The following RIPOR3 variants were observed in gnomAD, a reference collection of about 807,000 sequenced individuals.
RIPOR3 encodes RIPOR family member 3, also known as family with sequence similarity 65 member C.
A neutral mutation model predicts 114.3 loss-of-function variants in RIPOR3; 95 were observed. The ratio of observed to expected loss-of-function variants is 0.83; its 90% confidence interval spans 0.70 to 0.99. The LOEUF (loss-of-function observed/expected upper bound fraction) is 0.99. RIPOR3 is among the 50% of genes least tolerant of loss of function. The pLI is 0.00. For missense variants in RIPOR3, 1,252 were observed against 1,266.9 expected (o/e 0.99, Z 0.18); for synonymous variants, 575 against 543.8 (o/e 1.06, Z -0.80).
intron 1 of RIPOR3, among the ~76,000 whole-genome samples, chr20:50,635,135 AC>A (rs2084941320): frequency 6.6e-6 from 1 of 152,196 alleles, no homozygotes; most frequent in Non-Finnish European, 1.5e-5. Flanking sequence ...TTAGAGCAAA[AC>A]CAGCTGCAGA....
At chr20:50,588,006 C>T in intron 20 of RIPOR3, 114 bp from the exon 21 acceptor site, 1 of 939,370 alleles carries the variant, frequency 1.1e-6, no homozygotes, top group East Asian at 2.6e-5. Flanking sequence ...GCCTCAGCCC[C>T]TTCCTTTTCT....
intron 1 of RIPOR3, 100 bp from the exon 2 acceptor site, chr20:50,630,956 GC>G (rs901523366): frequency 1.1e-6 from 1 of 906,192 alleles, no homozygotes; most frequent in Non-Finnish European, 1.7e-6. Flanking sequence ...CCTCACAATG[GC>G]CCCAGAGTGT....
At chr20:50,669,337 T>C (rs1483526434) in intron 1 of RIPOR3, among the ~76,000 whole-genome samples, 1 of 152,206 alleles carries the variant, frequency 6.6e-6, no homozygotes, top group African/African-American at 2.4e-5. Context: ...TTTACCACGA[T>C]TGTGACTAAT....
intron 3 of RIPOR3, among the ~76,000 whole-genome samples, chr20:50,617,813 G>A (rs181581040): frequency 6.6e-6 from 1 of 151,514 alleles, no homozygotes; most frequent in Middle Eastern, 3.2e-3. Flanking sequence ...TAGTAGAGAC[G>A]GGGTTTCACC....
At chr20:50,685,215 G>T (rs2086972486) in intron 1 of RIPOR3, among the ~76,000 whole-genome samples, 2 of 139,344 alleles carry the variant, frequency 1.4e-5, no homozygotes, top group East Asian at 4.6e-4. Flanking sequence ...GCTGATGATG[G>T]GATAGAATTT....
rs546120876 is a variant in RIPOR3 at position 50,587,079 on chromosome 20, G to A, written c.*153C>T. On this transcript the variant is annotated 3_prime_UTR_variant, in exon 22 of 22. Transcript: ENST00000327979. ...TACAAAAGACCAGCCCATGCCCTGG[G>A]GCTGGGTCAATGGCCGGAGTCTCAG... is the stretch of plus-strand genomic sequence containing the variant. 38 of 637,136 alleles carry A rather than the reference G, an allele frequency of 6.0e-5. No homozygotes were observed. The East Asian group carries it at 1.0e-3, about 17-fold the overall frequency. The allele number at this position is 637,136 out of a possible 1,614,324, so 39.5% of individuals were successfully genotyped here. A position where few individuals can be genotyped will look rare whatever the true frequency, so the allele number is the denominator to read the frequency against.
At chr20:50,606,241 C>A (rs978178195) in intron 11 of RIPOR3, among the ~76,000 whole-genome samples, 1 of 152,160 alleles carries the variant, frequency 6.6e-6, no homozygotes, top group Non-Finnish European at 1.5e-5. Flanking sequence ...AGACTCTGAC[C>A]GCCCTGAGGG....
intron 1 of RIPOR3, among the ~76,000 whole-genome samples, chr20:50,644,964 C>A (rs963181025): frequency 6.6e-6 from 1 of 151,788 alleles, no homozygotes; most frequent in South Asian, 2.1e-4. Flanking sequence ...CTCAGCCTCC[C>A]GAGTAGCTGA....
chr20:50,680,853 C>T (rs1339622313), intron 1 of RIPOR3, among the ~76,000 whole-genome samples: 3 of 152,204 alleles, frequency 2.0e-5, no homozygotes, highest in African/African-American at 7.2e-5. Context: ...GATACCCCCT[C>T]AACTCCAGAG....
chr20:50,633,044 G>T (rs1231704308), intron 1 of RIPOR3, among the ~76,000 whole-genome samples: 1 of 152,160 alleles, frequency 6.6e-6, no homozygotes, highest in East Asian at 1.9e-4. Flanking sequence ...CAGGCAGATT[G>T]CCTGAGCTCA....
At chr20:50,659,224 A>C (rs2085915152) in intron 1 of RIPOR3, among the ~76,000 whole-genome samples, 2 of 152,264 alleles carry the variant, frequency 1.3e-5, no homozygotes, top group South Asian at 4.1e-4. Flanking sequence ...TTTCCACCTG[A>C]TGGTGGACAC....
chr20:50,652,204 C>T (rs2085635560), intron 1 of RIPOR3, among the ~76,000 whole-genome samples: 1 of 152,190 alleles, frequency 6.6e-6, no homozygotes, highest in Non-Finnish European at 1.5e-5. Context: ...TCCAGTCTCC[C>T]AGTTCTGTCC....
intron 16 of RIPOR3, 69 bp downstream of exon 16, chr20:50,595,300 T>C: frequency 5.1e-6 from 8 of 1,574,476 alleles, no homozygotes; most frequent in Non-Finnish European, 6.1e-6. Context: ...CAGAAGAGGC[T>C]CCCCGAGCTT....
chr20:50,689,030 G>A (rs762122075), intron 1 of RIPOR3, among the ~76,000 whole-genome samples: 9 of 152,038 alleles, frequency 5.9e-5, no homozygotes, highest in Non-Finnish European at 1.0e-4. Flanking sequence ...AGGGCCATAG[G>A]GTTGTTACAA....
At chr20:50,588,591 T>G (rs1294896137) in intron 20 of RIPOR3, among the ~76,000 whole-genome samples, 1 of 152,026 alleles carries the variant, frequency 6.6e-6, no homozygotes, top group Non-Finnish European at 1.5e-5. Context: ...AAGGAAATAA[T>G]TCAGAACTCC....
chr20:50,687,192 A>G (rs939731905), intron 1 of RIPOR3, among the ~76,000 whole-genome samples: 5 of 152,226 alleles, frequency 3.3e-5, no homozygotes, highest in African/African-American at 1.2e-4. Context: ...ATGCAGACAC[A>G]GTGGACGCAA....
intron 1 of RIPOR3, among the ~76,000 whole-genome samples, chr20:50,690,471 G>A (rs981002683): frequency 6.6e-6 from 1 of 152,128 alleles, no homozygotes; most frequent in African/African-American, 2.4e-5. Flanking sequence ...AAGGCTGCTT[G>A]CCAGTGTCAG....
intron 19 of RIPOR3, 118 bp downstream of exon 19, chr20:50,592,226 A>G: frequency 9.6e-7 from 1 of 1,044,202 alleles, no homozygotes. Context: ...CCATCAAAAT[A>G]GCTCACAGCT....
At chr20:50,663,856 C>T (rs574137343) in intron 1 of RIPOR3, among the ~76,000 whole-genome samples, 3 of 152,178 alleles carry the variant, frequency 2.0e-5, no homozygotes, top group East Asian at 3.9e-4. Context: ...GCTGTCAACT[C>T]GAGCACATTA....
Sources: gnomAD v4.1 joint callset for allele counts (sites outside exome capture counted in the v4.1 genomes callset) on GRCh38, gnomAD v4.1.1 for gene constraint, MANE v1.5 for transcripts, NCBI Gene and HGNC (gene_info 2026-07-23, HGNC 2026-07-21) for gene names.